Variants in CDK14 observed in about 807,000 individuals in gnomAD.
CDK14 encodes cyclin-dependent kinase 14.
Under a neutral mutation model 60.7 loss-of-function variants are expected in CDK14, and 34 were observed. The ratio of observed to expected loss-of-function variants is 0.56; its 90% CI spans 0.43 to 0.75. The LOEUF (loss-of-function observed/expected upper bound fraction) is 0.75. CDK14 is among the 30% of genes least tolerant of loss of function. CDK14 has a pLI of 0.00. For missense variants in CDK14, 482 were observed against 564.1 expected (o/e 0.85, Z 1.47); for synonymous variants, 197 against 203.7 (o/e 0.97, Z 0.28).
intron 5 of CDK14, among the ~76,000 whole-genome samples, chr7:90,839,429 T>A (rs1417536687): frequency 6.6e-6 from 1 of 152,172 alleles, no homozygotes. Flanking sequence ...TGTGGTGAAA[T>A]CCACAGCAAG....
intron 9 of CDK14, among the ~76,000 whole-genome samples, chr7:90,958,094 C>T (rs191845291): frequency 4.6e-5 from 7 of 152,208 alleles, no homozygotes; most frequent in South Asian, 2.1e-4. Flanking sequence ...CTCTACCCCC[C>T]GTAATCTTGG....
intron 3 of CDK14, among the ~76,000 whole-genome samples, chr7:90,735,448 T>TG (rs1231491573): frequency 6.6e-6 from 1 of 152,152 alleles, no homozygotes; most frequent in Non-Finnish European, 1.5e-5. Context: ...CCCAGGGAGA[T>TG]GGGGGTTTTA....
chr7:90,706,498 C>A (rs1466897349), intron 2 of CDK14, among the ~76,000 whole-genome samples: 2 of 152,142 alleles, frequency 1.3e-5, no homozygotes, highest in Admixed American at 6.6e-5. Context: ...ACGAGAAGTC[C>A]ATGCTCTTAA....
At chr7:91,060,733 T>C (rs1797756994) in intron 11 of CDK14, among the ~76,000 whole-genome samples, 1 of 152,252 alleles carries the variant, frequency 6.6e-6, no homozygotes, top group African/African-American at 2.4e-5. Context: ...TGGCCCCCAC[T>C]GTCTTCTGGC....
chr7:90,975,362 C>T (rs2115575322), intron 9 of CDK14, among the ~76,000 whole-genome samples: 1 of 151,638 alleles, frequency 6.6e-6, no homozygotes, highest in South Asian at 2.1e-4. Context: ...TAAAAATTGA[C>T]AATAATTTAC....
chr7:91,098,210 G>A (rs1388199694), intron 12 of CDK14, among the ~76,000 whole-genome samples: 1 of 152,156 alleles, frequency 6.6e-6, no homozygotes, highest in Non-Finnish European at 1.5e-5. Context: ...AAATTAGAGT[G>A]CCCAGCAAAT....
chr7:90,639,236 G>C (rs1167825074), intron 2 of CDK14, among the ~76,000 whole-genome samples: 1 of 152,036 alleles, frequency 6.6e-6, no homozygotes, highest in African/African-American at 2.4e-5. Context: ...TTTCTGCTCT[G>C]TTTTTTCCCC....
intron 4 of CDK14, among the ~76,000 whole-genome samples, chr7:90,750,237 A>G (rs1803783390): frequency 6.6e-6 from 1 of 151,918 alleles, no homozygotes; most frequent in African/African-American, 2.4e-5. Flanking sequence ...GAAAAAATGC[A>G]ATCTGTACAA....
At chr7:91,109,587 T>C (rs942854785) in intron 12 of CDK14, among the ~76,000 whole-genome samples, 5 of 152,144 alleles carry the variant, frequency 3.3e-5, no homozygotes, top group Non-Finnish European at 4.4e-5. Flanking sequence ...ATTAATCTGG[T>C]AGCAGTAATT....
At chr7:90,787,201 A>C (rs1044245840) in intron 4 of CDK14, among the ~76,000 whole-genome samples, 1 of 152,182 alleles carries the variant, frequency 6.6e-6, no homozygotes, top group South Asian at 2.1e-4. Flanking sequence ...CCAATGAAGC[A>C]GTCGTAGAAA....
intron 14 of CDK14, among the ~76,000 whole-genome samples, chr7:91,186,865 TAGTC>T (rs1339783704): frequency 1.3e-5 from 2 of 152,214 alleles, no homozygotes; most frequent in Non-Finnish European, 2.9e-5. Flanking sequence ...CTCTGCATGT[TAGTC>T]AGTTATACCT....
chr7:90,802,452 C>T (rs1041699418), intron 5 of CDK14, among the ~76,000 whole-genome samples: 2 of 152,088 alleles, frequency 1.3e-5, no homozygotes, highest in African/African-American at 2.4e-5. Flanking sequence ...ATTACCTTGT[C>T]CAGGGGTTTC....
At chr7:91,064,062 A>G (rs1228351693) in intron 11 of CDK14, among the ~76,000 whole-genome samples, 1 of 152,178 alleles carries the variant, frequency 6.6e-6, no homozygotes, top group African/African-American at 2.4e-5. Flanking sequence ...CTAGAATTTG[A>G]AAGACATATG....
At chr7:90,969,502 T>C (rs1794857570) in intron 9 of CDK14, among the ~76,000 whole-genome samples, 1 of 152,252 alleles carries the variant, frequency 6.6e-6, no homozygotes, top group South Asian at 2.1e-4. Context: ...TTTTTCCTAA[T>C]TTCCTACATT....
At chr7:90,880,041 C>T (rs1051867210) in intron 6 of CDK14, among the ~76,000 whole-genome samples, 4 of 152,208 alleles carry the variant, frequency 2.6e-5, no homozygotes, top group African/African-American at 9.6e-5. Flanking sequence ...ATTCTTACCG[C>T]CTCTCAGCTG....
intron 2 of CDK14, among the ~76,000 whole-genome samples, chr7:90,616,455 C>T (rs1799651124): frequency 6.6e-6 from 1 of 152,138 alleles, no homozygotes; most frequent in African/African-American, 2.4e-5. Flanking sequence ...GAATGTCCTG[C>T]AGTGCCTGAT....
At chr7:90,818,890 G>A (rs758573853) in intron 5 of CDK14, among the ~76,000 whole-genome samples, 491 of 2,740 alleles carry the variant, frequency 0.18, 4 homozygotes, top group Admixed American at 0.25. Context: ...ATATATATGT[G>A]TGTGTGTGTG....
At chr7:90,892,939 C>T (rs189967936) in intron 6 of CDK14, among the ~76,000 whole-genome samples, 10 of 152,204 alleles carry the variant, frequency 6.6e-5, no homozygotes, top group Admixed American at 3.9e-4. Context: ...CCACCACACC[C>T]GGCTGATTTT....
intron 14 of CDK14, among the ~76,000 whole-genome samples, chr7:91,147,881 G>T (rs1258261962): frequency 6.6e-6 from 1 of 152,014 alleles, no homozygotes; most frequent in Non-Finnish European, 1.5e-5. Flanking sequence ...TTTAAAATTA[G>T]CACGTTTAAC....
Sources: gnomAD v4.1 joint callset for allele counts (sites outside exome capture counted in the v4.1 genomes callset) on GRCh38, gnomAD v4.1.1 for gene constraint, MANE v1.5 for transcripts, NCBI Gene and HGNC (gene_info 2026-07-23, HGNC 2026-07-21) for gene names.